The following GRID2 variants were observed in gnomAD, a reference collection of about 807,000 sequenced individuals.
GRID2 encodes the protein glutamate receptor ionotropic, delta-2.
In GRID2, 33 loss-of-function variants were observed where a neutral mutation model predicts 114.8. The observed-to-expected ratio is 0.29, with a 90% CI of 0.22 to 0.38. GRID2 has a LOEUF of 0.38. GRID2 is among the 10% of genes least tolerant of loss of function. The probability of loss-of-function intolerance (pLI) is 1.00; values close to 1 mark genes in which losing one functional copy is unlikely to be tolerated. For missense variants in GRID2, 1,184 were observed against 1,257.7 expected (o/e 0.94, Z 0.89); for synonymous variants, 505 against 449.9 (o/e 1.12, Z -1.55).
intron 1 of GRID2, among the ~76,000 whole-genome samples, chr4:92,435,754 G>T (rs1336353931): frequency 6.6e-6 from 1 of 152,206 alleles, no homozygotes; most frequent in East Asian, 1.9e-4. Flanking sequence ...AACTCATTGT[G>T]AGGAAGAACT....
chr4:92,421,781 C>T (rs939804111), intron 1 of GRID2, among the ~76,000 whole-genome samples: 6 of 152,038 alleles, frequency 3.9e-5, no homozygotes, highest in African/African-American at 1.4e-4. Flanking sequence ...CTTTTCTGTT[C>T]AACTCTAATC....
chr4:92,979,630 A>C (rs971739026), intron 2 of GRID2, among the ~76,000 whole-genome samples: 1 of 152,184 alleles, frequency 6.6e-6, no homozygotes, highest in Admixed American at 6.6e-5. Flanking sequence ...TTTCCGATGT[A>C]ATTCAGACTA....
At chr4:92,513,444 C>G (rs1724351318) in intron 1 of GRID2, among the ~76,000 whole-genome samples, 1 of 151,820 alleles carries the variant, frequency 6.6e-6, no homozygotes, top group Non-Finnish European at 1.5e-5. Context: ...TCAAAGGTTT[C>G]AAAGTCTTTG....
chr4:93,249,014 T>A (rs1021388097), intron 8 of GRID2, among the ~76,000 whole-genome samples: 2 of 152,180 alleles, frequency 1.3e-5, no homozygotes, highest in African/African-American at 4.8e-5. Flanking sequence ...TAAGGAAAAC[T>A]TTTTTGAAAC....
intron 7 of GRID2, among the ~76,000 whole-genome samples, chr4:93,227,576 A>G (rs1178631118): frequency 2.6e-5 from 4 of 152,050 alleles, no homozygotes; most frequent in Non-Finnish European, 4.4e-5. Flanking sequence ...AGTTTTTCAG[A>G]TTTTTTGTCT....
chr4:92,711,615 C>G (rs1020460052), intron 2 of GRID2, among the ~76,000 whole-genome samples: 1 of 152,118 alleles, frequency 6.6e-6, no homozygotes, highest in African/African-American at 2.4e-5. Flanking sequence ...TTAAAGAGTT[C>G]ATGTAGGCCT....
chr4:92,822,719 G>A, intron 2 of GRID2: 1 of 163,638 alleles, frequency 6.1e-6, no homozygotes, highest in Non-Finnish European at 1.3e-5. Context: ...CTGAAGAGAT[G>A]ATTTTGTCAT....
At chr4:92,341,306 T>C (rs764045837) in intron 1 of GRID2, among the ~76,000 whole-genome samples, 4 of 152,180 alleles carry the variant, frequency 2.6e-5, no homozygotes, top group Non-Finnish European at 4.4e-5. Context: ...AAGCCCTGTA[T>C]GGTCCAATGT....
intron 1 of GRID2, among the ~76,000 whole-genome samples, chr4:92,556,031 G>T (rs781592076): frequency 6.6e-6 from 1 of 152,074 alleles, no homozygotes; most frequent in Non-Finnish European, 1.5e-5. Flanking sequence ...GGCCCTGAAG[G>T]AGACCCAAAT....
intron 5 of GRID2, among the ~76,000 whole-genome samples, chr4:93,215,204 T>C (rs1192815099): frequency 6.6e-6 from 1 of 151,898 alleles, no homozygotes; most frequent in African/African-American, 2.4e-5. Context: ...AAAATGTTGA[T>C]AAATCTTAGT....
chr4:92,669,211 A>G (rs1235383737), intron 2 of GRID2, among the ~76,000 whole-genome samples: 1 of 151,964 alleles, frequency 6.6e-6, no homozygotes, highest in Non-Finnish European at 1.5e-5. Flanking sequence ...AGTCTAGGAG[A>G]GTGGTACATT....
intron 13 of GRID2, among the ~76,000 whole-genome samples, chr4:93,563,335 C>G (rs1164922059): frequency 1.3e-5 from 2 of 151,830 alleles, no homozygotes; most frequent in Non-Finnish European, 2.9e-5. Context: ...TGACCTGAAC[C>G]ACTGGTCCCC....
intron 2 of GRID2, among the ~76,000 whole-genome samples, chr4:92,717,619 TAATA>T (rs1052031206): frequency 2.0e-5 from 3 of 152,226 alleles, no homozygotes; most frequent in Non-Finnish European, 2.9e-5. Context: ...TTGAGTAATG[TAATA>T]AATGTATTTT....
chr4:93,613,635 G>T (rs1741223974), intron 13 of GRID2, among the ~76,000 whole-genome samples: 1 of 124,168 alleles, frequency 8.1e-6, no homozygotes, highest in South Asian at 3.0e-4. Flanking sequence ...GGGGTCAGGG[G>T]TCAGGGACCC....
chr4:92,955,407 A>G (rs1354470752), intron 2 of GRID2, among the ~76,000 whole-genome samples: 4 of 152,290 alleles, frequency 2.6e-5, no homozygotes, highest in African/African-American at 9.6e-5. Flanking sequence ...GGCTGCATAA[A>G]TGTCTTCTTT....
chr4:93,006,103 T>C (rs1475794552), intron 2 of GRID2, among the ~76,000 whole-genome samples: 2 of 151,892 alleles, frequency 1.3e-5, no homozygotes, highest in Non-Finnish European at 2.9e-5. Context: ...TCCCTTCCAC[T>C]CTATCCAAGT....
chr4:93,374,351 C>G (rs931535014), intron 8 of GRID2, among the ~76,000 whole-genome samples: 1 of 152,024 alleles, frequency 6.6e-6, no homozygotes, highest in Non-Finnish European at 1.5e-5. Context: ...TTTACAGTAT[C>G]CCAGTTGTTT....
chr4:92,438,914 A>T (rs1732869206), intron 1 of GRID2, among the ~76,000 whole-genome samples: 1 of 152,190 alleles, frequency 6.6e-6, no homozygotes, highest in Admixed American at 6.5e-5. Context: ...AGATAGTTAC[A>T]GTATATCCTG....
intron 2 of GRID2, among the ~76,000 whole-genome samples, chr4:93,030,652 G>A (rs1578796937): frequency 6.6e-6 from 1 of 151,732 alleles, no homozygotes; most frequent in African/African-American, 2.4e-5. Flanking sequence ...CCCAAAGTGC[G>A]GGGATTACAG....
Sources: gnomAD v4.1 joint callset for allele counts (sites outside exome capture counted in the v4.1 genomes callset) on GRCh38, gnomAD v4.1.1 for gene constraint, MANE v1.5 for transcripts, NCBI Gene and HGNC (gene_info 2026-07-23, HGNC 2026-07-21) for gene names.